NPR1: variants seen among roughly 807,000 people sequenced by gnomAD.
The protein encoded by NPR1 is natriuretic peptide receptor 1.
NPR1 carries 57 observed loss-of-function variants against 116.9 expected under a neutral mutation model. The ratio of observed to expected loss-of-function variants is 0.49; its 90% CI spans 0.39 to 0.61. The LOEUF (loss-of-function observed/expected upper bound fraction) is 0.61, where lower values mean the gene tolerates loss of function less well. NPR1 is among the 20% of genes least tolerant of loss of function. The pLI, the probability that NPR1 is intolerant of heterozygous loss-of-function variation, is 0.00. For synonymous variants in NPR1, 555 were observed against 601.6 expected (o/e 0.92, Z 1.13); for missense variants, 1,096 against 1,409.8 (o/e 0.78, Z 3.56).
Position 153,689,716 on chromosome 1 carries a change from C to A in NPR1, c.2758-90C>A. 7.3e-7 allele frequency: 1 copy of A among 1,370,774 alleles called. No homozygotes were observed. The highest frequency in any genetic ancestry group is 9.9e-7 in the Non-Finnish European group (1 of 1,010,080). 84.9% of individuals were successfully genotyped at this position (1,370,774 alleles called of 1,614,324 possible). A position where few individuals can be genotyped will look rare whatever the true frequency, so the allele number is the denominator to read the frequency against. On this transcript the variant is annotated intron_variant, in intron 18 of 21. Coordinates refer to ENST00000368680, the MANE Select transcript of NPR1 (RefSeq NM_000906.4). This position sits in a 1 kb window ranked among gnomAD's most constrained non-coding sequence, Gnocchi z 5.1. ...GGATGAGCAAAGACAGATGAGGGTA[C>A]AGAATGACAGACGCTGCACCCGGTG... is the stretch of plus-strand genomic sequence containing the variant.
At chr1:153,690,214 C>T in intron 19 of NPR1, 70 bp from the exon 20 acceptor site, 2 of 1,256,390 alleles carry the variant, frequency 1.6e-6, no homozygotes, top group Non-Finnish European at 2.3e-6. Flanking sequence ...GGATTGTCCA[C>T]CTACCTCCCT....
At chr1:153,687,909 C>G (rs1414674248) in intron 14 of NPR1, 120 bp downstream of exon 14, 10 of 1,199,778 alleles carry the variant, frequency 8.3e-6, no homozygotes, top group Non-Finnish European at 9.4e-6. Flanking sequence ...AGTCACCACC[C>G]TTTGACCCAT....
rs374097686 is a variant in NPR1 at position 153,689,666 on chromosome 1, A to G, written c.2758-140A>G. ...CAGTGACACAGGGAGACCCGGGAACAGGCAGAGAACCCATGTGGGATGGGG... is the reference window on the plus strand; with the variant it reads ...CAGTGACACAGGGAGACCCGGGAACGGGCAGAGAACCCATGTGGGATGGGG... On this transcript the variant is annotated intron_variant, in intron 18 of 21. Coordinates refer to ENST00000368680, the MANE Select transcript of NPR1 (RefSeq NM_000906.4). This position sits in a 1 kb window ranked among gnomAD's most constrained non-coding sequence, Gnocchi z 5.1. 1 of 1,214,812 alleles carries G rather than the reference A, an allele frequency of 8.2e-7. No homozygotes were observed. The highest frequency in any genetic ancestry group is 1.2e-6 in the Non-Finnish European group (1 of 857,508). The allele number at this position is 1,214,812 out of a possible 1,614,324, so 75.3% of individuals were successfully genotyped here.
intron 5 of NPR1, among the ~76,000 whole-genome samples, chr1:153,682,873 CAG>C (rs1324610741): frequency 6.6e-6 from 1 of 152,200 alleles, no homozygotes; most frequent in East Asian, 1.9e-4. Context: ...CGCCTCCCAG[CAG>C]AGACAGGGCT....
Position 153,681,191 on chromosome 1 carries a change from C to T in NPR1, c.933C>T (p.Ile311=). The T allele has an allele frequency of 6.2e-7, 1 of 1,607,904 alleles. No homozygotes were observed. Among genetic ancestry groups the T allele is most frequent in the Non-Finnish European group, 8.5e-7 (1 of 1,174,364 alleles). Residue 311 remains isoleucine (I), a synonymous_variant, in exon 3 of 22, where the codon ATC becomes ATT. Transcript: ENST00000368680. ...SARQAFQAAK[I]ITYKDPDNPE... is the part of the protein sequence containing the mutation. ...GACCCCTTTCTCAGGCTGCCAAAAT[C>T]ATTACATATAAAGACCCAGATAATC...
chr1:153,684,341 A>G (rs1669866096), intron 7 of NPR1, among the ~76,000 whole-genome samples: 1 of 151,286 alleles, frequency 6.6e-6, no homozygotes, highest in Admixed American at 6.6e-5. Context: ...CTGGTTGAGC[A>G]TATAATGTGT....
chr1:153,681,335 C>A (rs757115010), intron 3 of NPR1, 42 bp downstream of exon 3: 2 of 1,137,562 alleles, frequency 1.8e-6, no homozygotes, highest in African/African-American at 3.0e-5. Context: ...GACCTCCAGC[C>A]CCCACTCCAT....
chr1:153,689,590 G>A lies in NPR1; in HGVS notation c.2757+69G>A, dbSNP rs1670033833. 3 of 1,467,830 alleles carry A rather than the reference G, an allele frequency of 2.0e-6. No homozygotes were observed. The highest frequency in any genetic ancestry group is 3.4e-5 in the Admixed American group (2 of 59,652). The allele number at this position is 1,467,830 out of a possible 1,614,324, so 90.9% of individuals were successfully genotyped here. A position where few individuals can be genotyped will look rare whatever the true frequency, so the allele number is the denominator to read the frequency against. ...CAAGGTCAGAAAAAGATGAGGGGTA[G>A]GCAGAATGATGTGGAGTCTTAAGAG... On this transcript the variant is annotated intron_variant, in intron 18 of 21. Coordinates refer to ENST00000368680, the MANE Select transcript of NPR1 (RefSeq NM_000906.4). This position sits in a 1 kb window ranked among gnomAD's most constrained non-coding sequence, Gnocchi z 5.1.
chr1:153,686,857 C>A, intron 11 of NPR1, 107 bp downstream of exon 11: 10 of 1,280,770 alleles, frequency 7.8e-6, no homozygotes, highest in Non-Finnish European at 1.1e-5. Flanking sequence ...ACCTTTCTGG[C>A]CCCATCTGTA....
At chr1:153,684,897 G>T in intron 7 of NPR1, 67 bp from the exon 8 acceptor site, 1 of 1,597,700 alleles carries the variant, frequency 6.3e-7, no homozygotes, top group South Asian at 1.1e-5. Context: ...CTGAGGAGGG[G>T]CTGCTGAGCA....
At position 153,686,519 on chromosome 1, in the gene NPR1, G is replaced by A. The variant is rs1160289885; in HGVS notation, c.1759-127G>A. ...AAGGACATGGGTGGGAATCACCAGG[G>A]AAGATCTTAGTGATGGTTGCAGAAA... On this transcript the variant is annotated intron_variant, in intron 10 of 21. Transcript: ENST00000368680. 4 of 819,628 alleles carry A rather than the reference G, an allele frequency of 4.9e-6. No homozygotes were observed. In the East Asian group the frequency reaches 9.9e-5, roughly 20 times the overall value. The allele number at this position is 819,628 out of a possible 1,614,324, so 50.8% of individuals were successfully genotyped here. A position where few individuals can be genotyped will look rare whatever the true frequency, so the allele number is the denominator to read the frequency against.
intron 11 of NPR1, 65 bp from the exon 12 acceptor site, chr1:153,686,951 T>G: frequency 1.3e-6 from 2 of 1,553,546 alleles, no homozygotes; most frequent in Non-Finnish European, 1.8e-6. Context: ...AGTAGGACCC[T>G]GCACCCTCCT....
At position 153,689,917 on chromosome 1, in the gene NPR1, C is replaced by A; in HGVS notation, c.2869C>A (p.Arg957Ser). 2 of 1,559,396 alleles carry A rather than the reference C, an allele frequency of 1.3e-6. No homozygotes were observed. Among genetic ancestry groups the A allele is most frequent in the Non-Finnish European group, 1.7e-6 (2 of 1,150,212 alleles). Reference protein sequence around the residue: ...RMALALLDAVRSFRIRHRPQE... With the variant: ...RMALALLDAVSSFRIRHRPQE... The stretch of plus-strand genomic sequence containing the variant: ...GGCCCTGGCACTGCTGGATGCTGTG[C>A]GCTCCTTCCGAATCCGCCACCGGCC... The change falls in exon 19 of 22, where the codon CGC becomes AGC. Residue 957 changes from arginine to serine, a missense_variant. Arg to Ser is a moderately radical substitution (Grantham distance 110). Transcript: ENST00000368680. This position sits in a 1 kb window ranked among gnomAD's most constrained non-coding sequence, Gnocchi z 5.1.
rs748751659 is a variant in NPR1 at position 153,679,572 on chromosome 1, C to A, written c.464C>A (p.Thr155Asn). The A allele has an allele frequency of 6.4e-7, 1 of 1,561,808 alleles. No individual in the cohort carries two copies. Among genetic ancestry groups the A allele is most frequent in the Non-Finnish European group, 8.6e-7 (1 of 1,158,414 alleles). The change falls in exon 1 of 22, where the codon ACC becomes AAC. Residue 155 changes from threonine (T) to asparagine (N), a missense_variant. By Grantham distance (65) the Thr-to-Asn change is moderately conservative. Transcript: ENST00000368680. This position sits in a 1 kb window ranked among gnomAD's most constrained non-coding sequence, Gnocchi z 4.2. Reference sequence around the variant, plus strand: ...GGTGTCAAGGACGAGTATGCGCTGACCACCCGCGCGGGGCCCAGCTACGCC... The same window carrying A: ...GGTGTCAAGGACGAGTATGCGCTGAACACCCGCGCGGGGCCCAGCTACGCC... ...GFGVKDEYAL[T>N]TRAGPSYAKL...
Position 153,681,781 on chromosome 1 carries a change from G to A in NPR1, c.1113G>A (p.Gly371=). 6.2e-7 allele frequency: 1 copy of A among 1,614,010 alleles called. No homozygotes were observed. The highest frequency in any genetic ancestry group is 1.1e-5 in the South Asian group (1 of 91,084). Residue 371 remains glycine (G), a synonymous_variant, in exon 4 of 22, where the codon GGG becomes GGA. Transcript: ENST00000368680. Reference sequence around the variant, plus strand: ...CAGTGACGGAGACTCTGGCACATGGGGGAACTGTTACTGATGGGGAGAACA... The same window carrying A: ...CAGTGACGGAGACTCTGGCACATGGAGGAACTGTTACTGATGGGGAGAACA... The part of the protein sequence containing the change: ...IQAVTETLAH[G]GTVTDGENIT...
At chr1:153,690,971 A>C (rs4310476) in intron 20 of NPR1, among the ~76,000 whole-genome samples, 7 of 116,572 alleles carry the variant, frequency 6.0e-5, no homozygotes, top group African/African-American at 2.0e-4. Context: ...AAAAAAAAAG[A>C]CCCTCTGCTC....
rs771941365 is a variant in NPR1 at position 153,687,180 on chromosome 1, C to T, written c.1936-20C>T. On this transcript the variant is annotated intron_variant, in intron 12 of 21. Transcript: ENST00000368680. The stretch of plus-strand genomic sequence containing the variant: ...TAGGTCCCACTCCTGGCCAATACCT[C>T]TGCCCACTCACATTTCCAGGGCATG... 1 of 1,613,882 alleles carries T rather than the reference C, an allele frequency of 6.2e-7. No homozygotes were observed. The highest frequency in any genetic ancestry group is 1.1e-5 in the South Asian group (1 of 91,080).
At chr1:153,682,649 C>A in intron 5 of NPR1, 60 bp downstream of exon 5, 1 of 1,249,774 alleles carries the variant, frequency 8.0e-7, no homozygotes, top group Non-Finnish European at 1.2e-6. Context: ...CCTCCTACTT[C>A]CCCCCCACAG....
rs1669948768 is a variant in NPR1 at position 153,686,926 on chromosome 1, CT to C, written c.1864-89del. The C allele has an allele frequency of 3.5e-6, 5 of 1,422,218 alleles. No individual in the cohort carries two copies. In the Admixed American group the frequency reaches 8.6e-5, roughly 25 times the overall value. 88.1% of individuals were successfully genotyped at this position (1,422,218 alleles called of 1,614,324 possible). A position where few individuals can be genotyped will look rare whatever the true frequency, so the allele number is the denominator to read the frequency against. ...AGTCAATCCAAAGTTTTGTCCTGTT[CT>C]ACCAGTTCACATCAGTAGGACCCTG... On this transcript the variant is annotated intron_variant, in intron 11 of 21. Transcript: ENST00000368680.
Sources: gnomAD v4.1 joint callset for allele counts (sites outside exome capture counted in the v4.1 genomes callset) on GRCh38, gnomAD v4.1.1 for gene constraint, Gnocchi (gnomAD v3.1) non-coding constraint, MANE v1.5 for transcripts, NCBI Gene and HGNC (gene_info 2026-07-23, HGNC 2026-07-21) for gene names.